The following VTI1A variants were observed in gnomAD, a reference collection of about 807,000 sequenced individuals.
VTI1A encodes the protein vesicle transport through interaction with t-SNAREs 1A, also known as vesicle transport through interaction with t-SNAREs homolog 1A.
VTI1A carries 22 observed loss-of-function variants against 34.9 expected under a neutral mutation model. That is an observed-to-expected ratio of 0.63 (90% CI 0.45 to 0.90). The LOEUF (loss-of-function observed/expected upper bound fraction) is 0.90, where lower values mean the gene tolerates loss of function less well. Among genes scored for constraint, VTI1A ranks in the 40% least tolerant of loss-of-function variants. The pLI is 0.00. For missense variants in VTI1A, 268 were observed against 275.6 expected (o/e 0.97, Z 0.20); for synonymous variants, 87 against 97.3 (o/e 0.89, Z 0.62).
chr10:112,805,857 T>C (rs1377640387), intron 7 of VTI1A, among the ~76,000 whole-genome samples: 1 of 152,178 alleles, frequency 6.6e-6, no homozygotes, highest in Non-Finnish European at 1.5e-5. Flanking sequence ...GACCTTGGAC[T>C]TCTGGCCTCC....
chr10:112,468,794 T>C (rs576672339), intron 3 of VTI1A, among the ~76,000 whole-genome samples: 126 of 152,320 alleles, frequency 8.3e-4, no homozygotes, highest in Non-Finnish European at 1.1e-3. Context: ...TATTTCTTAC[T>C]ATTTATCCCA....
At chr10:112,639,479 T>A (rs1846484435) in intron 5 of VTI1A, among the ~76,000 whole-genome samples, 1 of 152,168 alleles carries the variant, frequency 6.6e-6, no homozygotes, top group Non-Finnish European at 1.5e-5. Flanking sequence ...GTTAACATCA[T>A]CATTTTGGCA....
chr10:112,575,246 T>A (rs1351497394), intron 5 of VTI1A, among the ~76,000 whole-genome samples: 1 of 152,258 alleles, frequency 6.6e-6, no homozygotes, highest in Non-Finnish European at 1.5e-5. Context: ...CTTTCTCTCA[T>A]CTAATGATGT....
chr10:112,582,762 G>A (rs1387975055), intron 5 of VTI1A, among the ~76,000 whole-genome samples: 2 of 151,982 alleles, frequency 1.3e-5, no homozygotes, highest in Non-Finnish European at 2.9e-5. Flanking sequence ...TAACTTAAAC[G>A]TGTTTTTAGT....
At chr10:112,737,271 A>C in intron 7 of VTI1A, 1 of 811,688 alleles carries the variant, frequency 1.2e-6, no homozygotes, top group Non-Finnish European at 1.5e-6. Context: ...TTTTGTAGAG[A>C]TGGAGTTTCA....
At chr10:112,609,183 G>A (rs1845199926) in intron 5 of VTI1A, among the ~76,000 whole-genome samples, 1 of 152,038 alleles carries the variant, frequency 6.6e-6, no homozygotes, top group African/African-American at 2.4e-5. Context: ...CCAAAAAGCT[G>A]GGCATATGCT....
rs943267553 is a variant in VTI1A, at chr10:112,670,769, C to CA, written c.560+1772dup. Among the ~76,000 whole-genome samples the CA allele has an allele frequency of 1.7e-4, 26 of 152,294 alleles. 1 individual carries two copies. Among genetic ancestry groups the CA allele is most frequent in the African/African-American group, 6.0e-4 (25 of 41,568 alleles). On this transcript the variant is annotated intron_variant, in intron 7 of 7. Coordinates refer to ENST00000393077, the MANE Select transcript of VTI1A (RefSeq NM_145206.4). ...ATGGGGTTCTCTTTGTAGGCAAACT[C>CA]AGTCAATCACTGACTCATCTTCTTT...
intron 5 of VTI1A, among the ~76,000 whole-genome samples, chr10:112,664,118 A>C (rs965601606): frequency 6.6e-6 from 1 of 152,244 alleles, no homozygotes; most frequent in Admixed American, 6.5e-5. Context: ...AATTCGCTGG[A>C]TACCACATTC....
chr10:112,842,873 G>T, the VTI1A span, among the ~76,000 whole-genome samples: 4 of 152,272 alleles, frequency 2.6e-5, no homozygotes, highest in East Asian at 5.8e-4. Context: ...AGCCACTCTG[G>T]GTATTCCAAG....
chr10:112,679,424 T>C (rs1848141180), intron 7 of VTI1A, among the ~76,000 whole-genome samples: 1 of 152,224 alleles, frequency 6.6e-6, no homozygotes, highest in Admixed American at 6.5e-5. Flanking sequence ...ATTGAGGTTT[T>C]CATTTTTTAT....
intron 7 of VTI1A, among the ~76,000 whole-genome samples, chr10:112,760,478 C>G (rs924408415): frequency 1.3e-5 from 2 of 152,170 alleles, no homozygotes; most frequent in African/African-American, 2.4e-5. Flanking sequence ...ATATCCTGTT[C>G]TATTCTAAAA....
chr10:112,687,357 C>T (rs1007754072), intron 7 of VTI1A, among the ~76,000 whole-genome samples: 12 of 150,698 alleles, frequency 8.0e-5, no homozygotes, highest in Non-Finnish European at 1.5e-4. Flanking sequence ...CCTCAGCCTC[C>T]CGAGTAGCTG....
chr10:112,656,257 A>G (rs1050404876), intron 5 of VTI1A, among the ~76,000 whole-genome samples: 14 of 152,150 alleles, frequency 9.2e-5, no homozygotes, highest in African/African-American at 3.1e-4. Flanking sequence ...TTTGGTGTTT[A>G]GGAGCTGTGG....
At chr10:112,740,712 G>A (rs1402534586) in intron 7 of VTI1A, among the ~76,000 whole-genome samples, 1 of 152,212 alleles carries the variant, frequency 6.6e-6, no homozygotes, top group Non-Finnish European at 1.5e-5. Flanking sequence ...ATGCTCATGT[G>A]CTGCTGGTGA....
At chr10:112,851,179 G>A in the VTI1A span, among the ~76,000 whole-genome samples, 1 of 152,206 alleles carries the variant, frequency 6.6e-6, no homozygotes, top group Non-Finnish European at 1.5e-5. Context: ...AGTGTGTGGG[G>A]TGATCCTAAA....
intron 3 of VTI1A, among the ~76,000 whole-genome samples, chr10:112,476,390 T>C (rs1848277886): frequency 6.6e-6 from 1 of 152,220 alleles, no homozygotes; most frequent in African/African-American, 2.4e-5. Flanking sequence ...TGAGTCACTC[T>C]CATTTTTCAT....
chr10:112,469,665 C>A (rs1406770992), intron 3 of VTI1A, among the ~76,000 whole-genome samples: 1 of 152,186 alleles, frequency 6.6e-6, no homozygotes, highest in Non-Finnish European at 1.5e-5. Flanking sequence ...GCTCTCTCGC[C>A]TATGTTTGTT....
At chr10:112,611,533 A>G (rs984062072) in intron 5 of VTI1A, among the ~76,000 whole-genome samples, 2 of 152,158 alleles carry the variant, frequency 1.3e-5, no homozygotes, top group African/African-American at 2.4e-5. Flanking sequence ...GGTGAGGTTC[A>G]GTGGGAAGCT....
In VTI1A at chr10:112,815,851, G is replaced by C; in HGVS notation, c.*468G>C. 1 of 247,316 alleles carries C rather than the reference G, an allele frequency of 4.0e-6. No individual in the cohort carries two copies. The highest frequency in any genetic ancestry group is 5.2e-5 in the Admixed American group (1 of 19,320). 15.3% of individuals were successfully genotyped at this position (247,316 alleles called of 1,614,324 possible). On this transcript the variant is annotated 3_prime_UTR_variant, in exon 8 of 8. Coordinates refer to ENST00000393077, the MANE Select transcript of VTI1A (RefSeq NM_145206.4). ...TGGAGTCAGTGACCCCGTCCAGCAA[G>C]CCAGCCCTGTTCCTACACAGGCCTC...
Sources: gnomAD v4.1 joint callset for allele counts (sites outside exome capture counted in the v4.1 genomes callset) on GRCh38, gnomAD v4.1.1 for gene constraint, MANE v1.5 for transcripts, NCBI Gene and HGNC (gene_info 2026-07-23, HGNC 2026-07-21) for gene names.